Variants in GPATCH1 observed in about 807,000 individuals in gnomAD.
GPATCH1 encodes the protein G patch domain-containing protein 1.
In GPATCH1, 73 loss-of-function variants were observed where a neutral mutation model predicts 114.9. The ratio of observed to expected loss-of-function variants is 0.64; its 90% CI spans 0.53 to 0.77. The LOEUF (loss-of-function observed/expected upper bound fraction) is 0.77, where lower values mean the gene tolerates loss of function less well. GPATCH1 is among the 30% of genes least tolerant of loss of function. The probability of loss-of-function intolerance (pLI) is 0.00; values close to 1 mark genes in which losing one functional copy is unlikely to be tolerated. For missense variants in GPATCH1, 1,058 were observed against 1,144.3 expected, an observed-to-expected ratio of 0.92 and a Z score of 1.09; for synonymous variants, 391 against 428.4, an observed-to-expected ratio of 0.91 and a Z score of 1.08.
intron 19 of GPATCH1, 110 bp downstream of exon 19, chr19:33,126,843 G>A: frequency 1.1e-6 from 1 of 932,866 alleles, no homozygotes; most frequent in Middle Eastern, 2.9e-4. Flanking sequence ...TAGGCCGGGT[G>A]CAGTGGCTCA....
At chr19:33,123,312 A>G (rs904838899) in intron 17 of GPATCH1, among the ~76,000 whole-genome samples, 1 of 151,762 alleles carries the variant, frequency 6.6e-6, no homozygotes, top group African/African-American at 2.4e-5. Flanking sequence ...AGGCAGGAGA[A>G]TCGCTTGAAC....
At chr19:33,129,683 C>A (rs565633063) in intron 19 of GPATCH1, among the ~76,000 whole-genome samples, 2 of 152,272 alleles carry the variant, frequency 1.3e-5, no homozygotes, top group Admixed American at 1.3e-4. Context: ...TACGGTGGCT[C>A]ATGCCTGTAA....
chr19:33,108,424 G>A (rs546832430), intron 10 of GPATCH1, among the ~76,000 whole-genome samples: 1 of 151,512 alleles, frequency 6.6e-6, no homozygotes, highest in Non-Finnish European at 1.5e-5. Context: ...CCTGGAACAC[G>A]CCGTCATCCA....
intron 17 of GPATCH1, among the ~76,000 whole-genome samples, chr19:33,120,700 A>T (rs1972973634): frequency 6.6e-6 from 1 of 151,558 alleles, no homozygotes; most frequent in Admixed American, 6.6e-5. Flanking sequence ...TCTCTATTTA[A>T]AAAAAAAGGG....
chr19:33,102,743 A>G (rs1298504030), intron 9 of GPATCH1, among the ~76,000 whole-genome samples: 1 of 152,206 alleles, frequency 6.6e-6, no homozygotes, highest in Non-Finnish European at 1.5e-5. Flanking sequence ...TTACATGAAA[A>G]GAGACATACA....
rs139652381 is a variant in GPATCH1 at position 33,093,570 on chromosome 19, T to C, written c.455+51T>C. On this transcript the variant is annotated intron_variant, in intron 4 of 19. Transcript: ENST00000170564. ...GATCTTAGCACCGGTGTTTTGCATA[T>C]GTGTGATTCTCTTGCTGAGGGATAG... 362 of 1,504,410 alleles carry C rather than the reference T, an allele frequency of 2.4e-4. 3 individuals carry two copies. The highest frequency in any genetic ancestry group is 3.2e-5 in the Non-Finnish European group (35 of 1,095,006). The allele number at this position is 1,504,410 out of a possible 1,614,324, so 93.2% of individuals were successfully genotyped here.
In GPATCH1 at chr19:33,126,712, C is replaced by T. The variant is rs752024787; in HGVS notation, c.2744C>T (p.Ser915Leu). The T allele has an allele frequency of 2.0e-5, 33 of 1,613,248 alleles. No homozygotes were observed. The highest frequency in any genetic ancestry group is 3.3e-5 in the South Asian group (3 of 90,970). Reference sequence around the variant, plus strand: ...AGTGACGAGGAAACCGCAGACGTGTCGCCCCAGGAGCTGCTGAGACGGTGG... The same window carrying T: ...AGTGACGAGGAAACCGCAGACGTGTTGCCCCAGGAGCTGCTGAGACGGTGG... Reference protein sequence around the residue: ...SQSDEETADVSPQELLRRLKS... With the variant: ...SQSDEETADVLPQELLRRLKS... Residue 915 changes from serine (S) to leucine (L), a missense_variant, in exon 19 of 20, where the codon TCG (serine) becomes TTG (leucine). By Grantham distance (145) the Ser-to-Leu change is moderately radical. Coordinates refer to ENST00000170564, the MANE Select transcript of GPATCH1 (RefSeq NM_018025.3).
intron 7 of GPATCH1, among the ~76,000 whole-genome samples, chr19:33,097,305 A>G (rs974335405): frequency 7.2e-5 from 11 of 152,168 alleles, no homozygotes; most frequent in Non-Finnish European, 1.5e-5. Flanking sequence ...GCTACTTGTT[A>G]GAGGCTCCTT....
rs1380366881 is a variant in GPATCH1, at chr19:33,121,149, C to T, written c.2521+2032C>T. Among the ~76,000 whole-genome samples, 6 of 151,312 alleles carry T rather than the reference C, an allele frequency of 4.0e-5. No homozygotes were observed. In the East Asian group the frequency reaches 1.2e-3, roughly 29 times the overall value. On this transcript the variant is annotated intron_variant, in intron 17 of 19. Coordinates refer to ENST00000170564, the MANE Select transcript of GPATCH1 (RefSeq NM_018025.3). ...TATTTATTTATTTTTCAGACAGGGT[C>T]TCACTCTGTCACCTAGGCTGGAGTG...
At chr19:33,117,234 A>C (rs1972926248) in intron 15 of GPATCH1, among the ~76,000 whole-genome samples, 1 of 151,606 alleles carries the variant, frequency 6.6e-6, no homozygotes, top group Non-Finnish European at 1.5e-5. Flanking sequence ...TCTGTACATA[A>C]TGATGTGATT....
chr19:33,094,942 A>G (rs890390732), intron 5 of GPATCH1, among the ~76,000 whole-genome samples: 2 of 152,076 alleles, frequency 1.3e-5, no homozygotes, highest in East Asian at 3.9e-4. Flanking sequence ...AGGTGAGATT[A>G]TCTTTGAGCC....
chr19:33,122,742 A>G (rs191921164), intron 17 of GPATCH1, among the ~76,000 whole-genome samples: 1 of 151,982 alleles, frequency 6.6e-6, no homozygotes, highest in Non-Finnish European at 1.5e-5. Flanking sequence ...TTATTTAGGG[A>G]AATGATTTTT....
At chr19:33,097,231 A>G (rs1002429217) in intron 7 of GPATCH1, among the ~76,000 whole-genome samples, 3 of 152,304 alleles carry the variant, frequency 2.0e-5, no homozygotes, top group Admixed American at 6.5e-5. Flanking sequence ...GGCGTGAGCC[A>G]CTGCGCCCGG....
chr19:33,096,549 CT>C (rs1972662545), intron 7 of GPATCH1, 103 bp downstream of exon 7: 9 of 946,450 alleles, frequency 9.5e-6, no homozygotes, highest in Admixed American at 3.1e-5. Flanking sequence ...TTTTTTCCCC[CT>C]AATCCTCAAG....
chr19:33,100,125 G>T (rs1972709027), intron 8 of GPATCH1: 1 of 151,664 alleles, frequency 6.6e-6, no homozygotes, highest in Non-Finnish European at 1.5e-5. Context: ...GGGCTATAAT[G>T]AATATTTTTC....
intron 1 of GPATCH1, among the ~76,000 whole-genome samples, chr19:33,081,588 T>C (rs1476811837): frequency 3.3e-5 from 5 of 151,566 alleles, no homozygotes. Context: ...AGCTCAGACT[T>C]GAAACCGAGG....
chr19:33,084,041 C>CTCAGG lies in GPATCH1; in HGVS notation c.73+2777_73+2781dup, dbSNP rs1367902760. Among the ~76,000 whole-genome samples the CTCAGG allele has an allele frequency of 2.6e-5, 4 of 151,982 alleles. No individual in the cohort carries two copies. In the East Asian group the frequency reaches 7.8e-4, roughly 30 times the overall value. ...GCCAGGCTGGACTCGAACTTCTGAC[C>CTCAGG]TCAGGTGATCTGCCTGCCTCGGCCT... On this transcript the variant is annotated intron_variant, in intron 1 of 19. Coordinates refer to ENST00000170564, the MANE Select transcript of GPATCH1 (RefSeq NM_018025.3).
intron 2 of GPATCH1, among the ~76,000 whole-genome samples, chr19:33,089,253 C>T (rs1024323575): frequency 1.3e-5 from 2 of 152,124 alleles, no homozygotes; most frequent in African/African-American, 4.8e-5. Context: ...GATGATGCCA[C>T]CAAGGGTCAG....
In GPATCH1 at chr19:33,095,788, G is replaced by T; in HGVS notation, c.580G>T (p.Ala194Ser). 1 of 1,611,836 alleles carries T rather than the reference G, an allele frequency of 6.2e-7. No individual in the cohort carries two copies. Among genetic ancestry groups the T allele is most frequent in the Non-Finnish European group, 8.5e-7 (1 of 1,178,010 alleles). Reference sequence around the variant, plus strand: ...TCCTGGAGTCAAAATCTATGGCTGTGCATTACCCCCTGGAAGCTCGGAAGG... The same window carrying T: ...TCCTGGAGTCAAAATCTATGGCTGTTCATTACCCCCTGGAAGCTCGGAAGG... ...PDPGVKIYGC[A>S]LPPGSSEGSE... is the part of the protein sequence containing the mutation. The change falls in exon 6 of 20, where the codon GCA becomes TCA. Residue 194 changes from alanine to serine, a missense_variant. Transcript: ENST00000170564.
Sources: gnomAD v4.1 joint callset for allele counts (sites outside exome capture counted in the v4.1 genomes callset) on GRCh38, gnomAD v4.1.1 for gene constraint, MANE v1.5 for transcripts, NCBI Gene and HGNC (gene_info 2026-07-23, HGNC 2026-07-21) for gene names.